The following LAMC1 variants were observed in gnomAD, a reference collection of about 807,000 sequenced individuals.
LAMC1 encodes laminin subunit gamma 1.
A neutral mutation model predicts 173.6 loss-of-function variants in LAMC1; 38 were observed. The observed-to-expected ratio is 0.22, with a 90% CI of 0.17 to 0.29. The LOEUF is 0.29. LAMC1 is among the 10% of genes least tolerant of loss of function. The pLI, the probability that LAMC1 is intolerant of heterozygous loss-of-function variation, is 1.00. For missense variants in LAMC1, 1,824 were observed against 2,051.8 expected, an observed-to-expected ratio of 0.89 and a Z score of 2.14; for synonymous variants, 746 against 749.1, an observed-to-expected ratio of 1.00 and a Z score of 0.07.
intron 1 of LAMC1, among the ~76,000 whole-genome samples, chr1:183,057,011 A>C (rs547777046): frequency 2.0e-5 from 3 of 152,340 alleles, no homozygotes; most frequent in Non-Finnish European, 4.4e-5. Flanking sequence ...TCCTGTGTGC[A>C]AAGCTTTGAG....
chr1:183,066,733 C>A (rs1210679705), intron 1 of LAMC1, among the ~76,000 whole-genome samples: 1 of 152,136 alleles, frequency 6.6e-6, no homozygotes, highest in Non-Finnish European at 1.5e-5. Flanking sequence ...CATGTTCTCA[C>A]TCATAAGTGG....
chr1:183,043,804 G>A (rs1274083984), intron 1 of LAMC1, among the ~76,000 whole-genome samples: 1 of 152,020 alleles, frequency 6.6e-6, no homozygotes, highest in Admixed American at 6.6e-5. Flanking sequence ...TTTTAGAAAG[G>A]CAATGTCATT....
chr1:183,103,241 T>C (rs1655879117), intron 1 of LAMC1, 87 bp from the exon 2 acceptor site: 1 of 1,243,656 alleles, frequency 8.0e-7, no homozygotes, highest in Admixed American at 2.1e-5. Context: ...TTATATCCTT[T>C]GTCAAGTTCC....
At chr1:183,084,081 G>A (rs547912679) in intron 1 of LAMC1, among the ~76,000 whole-genome samples, 1 of 152,162 alleles carries the variant, frequency 6.6e-6, no homozygotes, top group Admixed American at 6.5e-5. Context: ...TTGGCTGGGC[G>A]CTGTGGCTCA....
intron 1 of LAMC1, among the ~76,000 whole-genome samples, chr1:183,039,354 C>G (rs1402588586): frequency 6.6e-6 from 1 of 152,044 alleles, no homozygotes; most frequent in East Asian, 1.9e-4. Flanking sequence ...GGTAAAGGGT[C>G]GTGATCAGTG....
intron 3 of LAMC1, among the ~76,000 whole-genome samples, chr1:183,109,233 A>T (rs1656073556): frequency 6.6e-6 from 1 of 152,198 alleles, no homozygotes; most frequent in African/African-American, 2.4e-5. Flanking sequence ...TGGGAACTGT[A>T]CCCAATGAGA....
At chr1:183,070,076 T>G (rs985805527) in intron 1 of LAMC1, among the ~76,000 whole-genome samples, 1 of 152,188 alleles carries the variant, frequency 6.6e-6, no homozygotes, top group African/African-American at 2.4e-5. Context: ...ATGGGCTAGA[T>G]TGTGGCATGT....
chr1:183,049,719 C>T (rs1442669439), intron 1 of LAMC1, among the ~76,000 whole-genome samples: 1 of 151,992 alleles, frequency 6.6e-6, no homozygotes, highest in Non-Finnish European at 1.5e-5. Context: ...CTGCCTTGGC[C>T]TCTGAGAGTG....
chr1:183,052,125 G>A (rs539321900), intron 1 of LAMC1, among the ~76,000 whole-genome samples: 5 of 152,216 alleles, frequency 3.3e-5, no homozygotes, highest in Non-Finnish European at 5.9e-5. Context: ...TCTGCACTGC[G>A]TATCCAAGAG....
At chr1:183,111,796 AGGCCTATG>A (rs1252797220) in intron 4 of LAMC1, among the ~76,000 whole-genome samples, 1 of 152,012 alleles carries the variant, frequency 6.6e-6, no homozygotes, top group Non-Finnish European at 1.5e-5. Flanking sequence ...AGCATTTGGG[AGGCCTATG>A]GGGTTGGATC....
At chr1:183,054,218 G>T (rs1377003550) in intron 1 of LAMC1, among the ~76,000 whole-genome samples, 1 of 152,154 alleles carries the variant, frequency 6.6e-6, no homozygotes, top group African/African-American at 2.4e-5. Flanking sequence ...ATGGTGTTGA[G>T]TGCTTTTCTT....
intron 1 of LAMC1, among the ~76,000 whole-genome samples, chr1:183,086,639 A>G (rs1655436203): frequency 6.6e-6 from 1 of 152,226 alleles, no homozygotes. Context: ...GAAAATTGTA[A>G]GCCTTTAAAA....
chr1:183,113,309 A>G (rs1656216279), intron 4 of LAMC1, among the ~76,000 whole-genome samples: 1 of 152,236 alleles, frequency 6.6e-6, no homozygotes, highest in South Asian at 2.1e-4. Context: ...TGTCTCCAAA[A>G]AACAAACAAA....
intron 1 of LAMC1, among the ~76,000 whole-genome samples, chr1:183,091,152 TC>T (rs1171804891): frequency 6.6e-6 from 1 of 152,150 alleles, no homozygotes; most frequent in Admixed American, 6.5e-5. Context: ...AATTCAAACT[TC>T]CTTGGACAAA....
In LAMC1 at chr1:183,117,785, TA is replaced by T; in HGVS notation, c.1877+64del. The stretch of plus-strand genomic sequence containing the variant: ...ACATTGTGAAAGTGGTGTCTTTATT[TA>T]AGTTTAACTGGCCTCTAGATGTATT... On this transcript the variant is annotated intron_variant, in intron 10 of 27. Coordinates refer to ENST00000258341, the MANE Select transcript of LAMC1 (RefSeq NM_002293.4). 2.1e-6 allele frequency: 3 copies of T among 1,409,038 alleles called. No homozygotes were observed. The Admixed American group carries it at 5.5e-5, about 26-fold the overall frequency. The allele number at this position is 1,409,038 out of a possible 1,614,324, so 87.3% of individuals were successfully genotyped here. A position where few individuals can be genotyped will look rare whatever the true frequency, so the allele number is the denominator to read the frequency against.
At chr1:183,043,425 T>C (rs934516899) in intron 1 of LAMC1, among the ~76,000 whole-genome samples, 3 of 152,176 alleles carry the variant, frequency 2.0e-5, no homozygotes, top group African/African-American at 7.2e-5. Flanking sequence ...TTTGATTACG[T>C]AAGTTATATC....
In LAMC1 at chr1:183,122,213, AG is replaced by A; in HGVS notation, c.2365del (p.Glu789ArgfsTer34). ...AGTTGTGCTGTTGTTCCCAAGACAA[AG>A]GAGGTGGTGTGCACCAACTGTCCTA... ...GSSCAVVPKT[K>X]EVVCTNCPTG... On this transcript the variant is annotated frameshift_variant, in exon 13 of 28. Transcript: ENST00000258341. LOFTEE classifies it high-confidence loss of function. 6.2e-7 allele frequency: 1 copy of A among 1,614,158 alleles called. No homozygotes were observed. The highest frequency in any genetic ancestry group is 8.5e-7 in the Non-Finnish European group (1 of 1,180,012).
chr1:183,104,379 T>C (rs534232287), intron 2 of LAMC1, among the ~76,000 whole-genome samples: 3 of 152,372 alleles, frequency 2.0e-5, no homozygotes, highest in African/African-American at 7.2e-5. Context: ...CTGTGAACTT[T>C]TCATATGTCC....
chr1:183,091,503 C>T (rs1655565293), intron 1 of LAMC1, among the ~76,000 whole-genome samples: 1 of 152,188 alleles, frequency 6.6e-6, no homozygotes, highest in East Asian at 1.9e-4. Context: ...CTTCCTCTTC[C>T]TCCTTCCCCT....
Sources: allele counts gnomAD v4.1 joint callset (sites outside exome capture counted in the v4.1 genomes callset), GRCh38; gene constraint gnomAD v4.1.1; transcripts MANE v1.5; gene names NCBI Gene and HGNC (gene_info 2026-07-23, HGNC 2026-07-21).